The following WDR49 variants were observed in gnomAD, a reference collection of about 807,000 sequenced individuals.
WDR49 encodes cilia- and flagella-associated protein 337.
In WDR49, 107 loss-of-function variants were observed where a neutral mutation model predicts 119.5. The observed-to-expected ratio is 0.90, with a 90% CI of 0.77 to 1.05. The LOEUF is 1.05. Among genes scored for constraint, WDR49 ranks in the 50% least tolerant of loss-of-function variants. The pLI, the probability that WDR49 is intolerant of heterozygous loss-of-function variation, is 0.00. For missense variants in WDR49, 1,240 were observed against 1,220.5 expected (o/e 1.02, Z -0.24); for synonymous variants, 425 against 418.8 (o/e 1.01, Z -0.18).
chr3:167,630,573 T>C (rs892272507), intron 2 of WDR49, among the ~76,000 whole-genome samples: 1 of 152,048 alleles, frequency 6.6e-6, no homozygotes, highest in Non-Finnish European at 1.5e-5. Flanking sequence ...GCCAGTAAAA[T>C]TACCCCATGG....
rs145682341 is a variant in WDR49, at chr3:167,609,315, T to C, written c.959-4847A>G. Among the ~76,000 whole-genome samples, 320 of 152,110 alleles carry C rather than the reference T, an allele frequency of 2.1e-3. 1 individual carries two copies. Among genetic ancestry groups the C allele is most frequent in the African/African-American group, 7.4e-3 (309 of 41,502 alleles). The stretch of plus-strand genomic sequence containing the variant: ...GAGATAGAAAAATAAAAAAAAACAG[T>C]ACTGAATCACCAACGCCCACCCTTC... On this transcript the variant is annotated intron_variant, in intron 5 of 18. Transcript: ENST00000682715.
At chr3:167,524,277 C>T (rs1414565567) in intron 15 of WDR49, among the ~76,000 whole-genome samples, 1 of 151,996 alleles carries the variant, frequency 6.6e-6, no homozygotes, top group African/African-American at 2.4e-5. Flanking sequence ...GTTTAAGTTC[C>T]TCATAGATTC....
Position 167,604,341 on chromosome 3 carries a change from G to A in WDR49, c.1086C>T (p.Gly362=). The change falls in exon 6 of 19, where the codon GGC becomes GGT. Residue 362 remains glycine, a synonymous_variant. Coordinates refer to ENST00000682715, the MANE Select transcript of WDR49 (RefSeq NM_001366157.1). ...GAGAGTGATAATCAAAAGCATGAAT[G>A]CCCTGGGCAATGTTGAAGGATGTCA... The part of the protein sequence containing the change: ...LNMTSFNIAQ[G]IHAFDYHSRL... 6.2e-7 allele frequency: 1 copy of A among 1,613,720 alleles called. No homozygotes were observed. Among genetic ancestry groups the A allele is most frequent in the Admixed American group, 1.7e-5 (1 of 59,966 alleles).
intron 5 of WDR49, 61 bp from the exon 6 acceptor site, chr3:167,604,529 A>G: frequency 4.1e-6 from 6 of 1,448,282 alleles, no homozygotes; most frequent in Non-Finnish European, 5.5e-6. Flanking sequence ...GATATTAGTA[A>G]AATGGAGCTG....
At position 167,528,017 on chromosome 3, in the gene WDR49, C is replaced by T; in HGVS notation, c.2407G>A (p.Glu803Lys). The T allele has an allele frequency of 6.2e-7, 1 of 1,608,702 alleles. No homozygotes were observed. Among genetic ancestry groups the T allele is most frequent in the Non-Finnish European group, 8.5e-7 (1 of 1,176,906 alleles). The change falls in exon 15 of 19, where the codon GAG becomes AAG. Residue 803 changes from glutamate (E) to lysine (K), a missense_variant and splice_region_variant. Coordinates refer to ENST00000682715, the MANE Select transcript of WDR49 (RefSeq NM_001366157.1). ...DGWLKIWNIEEYCLNSSKNKI... is the reference protein window; with the variant it reads ...DGWLKIWNIEKYCLNSSKNKI... The stretch of plus-strand genomic sequence containing the variant: ...TTCTTACTGGAGTTAAGACAGTACT[C>T]CTGAATGAAAAGAAATACCAGAACT...
intron 11 of WDR49, 68 bp downstream of exon 11, chr3:167,536,802 G>A: frequency 7.5e-7 from 1 of 1,335,618 alleles, no homozygotes; most frequent in East Asian, 2.9e-5. Flanking sequence ...TTCTAAAGGT[G>A]AGTGAGCCAA....
At position 167,617,380 on chromosome 3, in the gene WDR49, A is replaced by G. The variant is rs75077729; in HGVS notation, c.958+3049T>C. 8.3e-3 allele frequency among the ~76,000 whole-genome samples: 1,267 copies of G among 152,162 alleles called. 93 individuals carry two copies. The East Asian group carries it at 0.17, about 21-fold the overall frequency. ...TGTCTCTACTAAAAATACAAAAATT[A>G]GCCGGGCATGGTGGCACATGCCTGT... On this transcript the variant is annotated intron_variant, in intron 5 of 18. Coordinates refer to ENST00000682715, the MANE Select transcript of WDR49 (RefSeq NM_001366157.1).
At position 167,620,578 on chromosome 3, in the gene WDR49, G is replaced by A; in HGVS notation, c.809C>T (p.Ala270Val). ...GKVQAIAFTA[A>V]LISLFERPAS... ...AGGCCGTTCAAACAGGGAAATCAAG[G>A]CTGCGGTGAAAGCAATTGCTTGAAC... The change falls in exon 5 of 19, where the codon GCC becomes GTC. Residue 270 changes from alanine (A) to valine (V), a missense_variant. Ala to Val is a moderately conservative substitution (Grantham distance 64). Coordinates refer to ENST00000682715, the MANE Select transcript of WDR49 (RefSeq NM_001366157.1). 1 of 1,534,636 alleles carries A rather than the reference G, an allele frequency of 6.5e-7. No individual in the cohort carries two copies. The highest frequency in any genetic ancestry group is 1.4e-5 in the African/African-American group (1 of 73,054).
intron 2 of WDR49, among the ~76,000 whole-genome samples, chr3:167,635,628 G>C (rs1717579104): frequency 1.3e-5 from 2 of 151,654 alleles, no homozygotes; most frequent in Admixed American, 6.6e-5. Context: ...ACTGAGAGAG[G>C]ACAATCCAAC....
intron 16 of WDR49, among the ~76,000 whole-genome samples, chr3:167,512,953 T>G (rs1752043594): frequency 6.6e-6 from 1 of 151,844 alleles, no homozygotes; most frequent in Non-Finnish European, 1.5e-5. Context: ...AACTATGAGA[T>G]TATATAACCA....
chr3:167,542,423 G>T (rs1446971839), intron 10 of WDR49, among the ~76,000 whole-genome samples: 4 of 151,972 alleles, frequency 2.6e-5, no homozygotes, highest in Admixed American at 2.6e-4. Context: ...GAAAATTGAA[G>T]TTATATCAAG....
intron 7 of WDR49, 42 bp from the exon 8 acceptor site, chr3:167,576,193 A>T (rs374095327): frequency 6.4e-7 from 1 of 1,559,372 alleles, no homozygotes; most frequent in African/African-American, 1.4e-5. Context: ...TGTCAAAGAT[A>T]ATTGTAATCT....
intron 5 of WDR49, among the ~76,000 whole-genome samples, chr3:167,609,574 T>C (rs1716242666): frequency 6.6e-6 from 1 of 152,178 alleles, no homozygotes; most frequent in Non-Finnish European, 1.5e-5. Context: ...GCTACAGCAC[T>C]GTTTGTCTCC....
At chr3:167,564,678 G>A (rs1204312989) in intron 8 of WDR49, among the ~76,000 whole-genome samples, 1 of 152,222 alleles carries the variant, frequency 6.6e-6, no homozygotes, top group African/African-American at 2.4e-5. Context: ...GGCCTCCTCA[G>A]TAGATCGTTG....
chr3:167,513,573 C>T (rs762067520), intron 16 of WDR49, among the ~76,000 whole-genome samples: 1 of 152,120 alleles, frequency 6.6e-6, no homozygotes, highest in Non-Finnish European at 1.5e-5. Context: ...AATAACCAGC[C>T]AGCATCATGG....
intron 17 of WDR49, among the ~76,000 whole-genome samples, chr3:167,504,535 T>C (rs145442022): frequency 6.6e-6 from 1 of 152,312 alleles, no homozygotes; most frequent in East Asian, 1.9e-4. Context: ...GTAAATGACT[T>C]TTTTATTTTA....
intron 8 of WDR49, among the ~76,000 whole-genome samples, chr3:167,569,166 A>T (rs917168485): frequency 6.6e-6 from 1 of 150,568 alleles, no homozygotes; most frequent in Admixed American, 6.6e-5. Context: ...CTGGTCTTGA[A>T]CTCCTGACCT....
chr3:167,522,011 T>TATAC (rs1752464509), intron 16 of WDR49, among the ~76,000 whole-genome samples: 1 of 150,966 alleles, frequency 6.6e-6, no homozygotes, highest in South Asian at 2.1e-4. Context: ...GATAGATAGA[T>TATAC]AGATAGATTG....
At chr3:167,586,976 A>G (rs185136208) in intron 7 of WDR49, among the ~76,000 whole-genome samples, 2 of 152,156 alleles carry the variant, frequency 1.3e-5, no homozygotes, top group African/African-American at 4.8e-5. Flanking sequence ...TATATTTGAT[A>G]AAGATTCTCT....
Sources: allele counts gnomAD v4.1 joint callset (sites outside exome capture counted in the v4.1 genomes callset), GRCh38; gene constraint gnomAD v4.1.1; transcripts MANE v1.5; gene names NCBI Gene and HGNC (gene_info 2026-07-23, HGNC 2026-07-21).